The following OTOG variants were observed in gnomAD, a reference collection of about 807,000 sequenced individuals.
The protein encoded by OTOG is otogelin.
A neutral mutation model predicts 313.8 loss-of-function variants in OTOG; 296 were observed. The observed-to-expected ratio is 0.94, with a 90% CI of 0.86 to 1.04. The LOEUF (loss-of-function observed/expected upper bound fraction) is 1.04. OTOG is among the 50% of genes least tolerant of loss of function. OTOG has a pLI of 0.00. For missense variants in OTOG, 3,948 were observed against 3,840.1 expected (o/e 1.03, Z -0.74); for synonymous variants, 1,533 against 1,554.9 (o/e 0.99, Z 0.33).
Position 17,634,964 on chromosome 11 carries a change from TG to T in OTOG, c.7585+20del. 1 of 397,130 alleles carries T rather than the reference TG, an allele frequency of 2.5e-6. No individual in the cohort carries two copies. The highest frequency in any genetic ancestry group is 3.4e-5 in the African/African-American group (1 of 29,148). 24.6% of individuals were successfully genotyped at this position (397,130 alleles called of 1,614,324 possible). A position where few individuals can be genotyped will look rare whatever the true frequency, so the allele number is the denominator to read the frequency against. On this transcript the variant is annotated intron_variant, in intron 45 of 55. Coordinates refer to ENST00000399397, the MANE Select transcript of OTOG (RefSeq NM_001292063.2). ...TACAGCTGTGGTGAGAGGCCCGGGG[TG>T]GGGAGGGTGGGGGACGGACTGAGGG...
In OTOG at chr11:17,628,271, T is replaced by A. The variant is rs182297969; in HGVS notation, c.6529-862T>A. ...TTGGTATGTTGTGTTTCCATTATCA[T>A]TTGTTTCAAGAAAAGTTTCAGTTTT... On this transcript the variant is annotated intron_variant, in intron 39 of 55. Transcript: ENST00000399397. Among the ~76,000 whole-genome samples, 637 of 152,328 alleles carry A rather than the reference T, an allele frequency of 4.2e-3. 3 individuals carry two copies. Among genetic ancestry groups the A allele is most frequent in the African/African-American group, 0.015 (613 of 41,588 alleles).
Position 17,642,258 on chromosome 11 carries a change from C to T in OTOG, c.8415+12C>T, listed in dbSNP as rs965429585. On this transcript the variant is annotated intron_variant, in intron 53 of 55. Coordinates refer to ENST00000399397, the MANE Select transcript of OTOG (RefSeq NM_001292063.2). Reference sequence around the variant, plus strand: ...CTGAGTGTGCCAAGGTCAGTGCCTCCTTCTCCACTGAGGCTGTAGGCCAGG... The same window carrying T: ...CTGAGTGTGCCAAGGTCAGTGCCTCTTTCTCCACTGAGGCTGTAGGCCAGG... 6.5e-7 allele frequency: 1 copy of T among 1,545,080 alleles called. No individual in the cohort carries two copies. Among genetic ancestry groups the T allele is most frequent in the African/African-American group, 1.4e-5 (1 of 72,880 alleles).
At chr11:17,634,551 T>C (rs1365467468) in intron 44 of OTOG, among the ~76,000 whole-genome samples, 3 of 152,140 alleles carry the variant, frequency 2.0e-5, no homozygotes, top group Non-Finnish European at 4.4e-5. Context: ...TCACATCCTC[T>C]GTGCCTTGGT....
intron 39 of OTOG, among the ~76,000 whole-genome samples, chr11:17,625,518 T>C (rs1304375885): frequency 6.6e-6 from 1 of 152,226 alleles, no homozygotes; most frequent in Non-Finnish European, 1.5e-5. Flanking sequence ...TTGATCGTGG[T>C]GAATAAGCTT....
rs573927382 is a variant in OTOG, at chr11:17,608,331, G to T, written c.4192G>T (p.Glu1398Ter). The change falls in exon 34 of 56, where the codon GAG (glutamate) becomes TAG (stop). Residue 1398 changes from glutamate to a stop codon, truncating the protein, a stop_gained. Coordinates refer to ENST00000399397, the MANE Select transcript of OTOG (RefSeq NM_001292063.2). LOFTEE classifies it high-confidence loss of function. ...KPSGAAYPIC[E>*]WRYDACASPC... ...CTCGGGGGCTGCCTACCCCATCTGC[G>T]AGTGGCGCTACGATGCCTGTGCCAG... The T allele has an allele frequency of 6.5e-7, 1 of 1,546,230 alleles. No individual in the cohort carries two copies. Among genetic ancestry groups the T allele is most frequent in the Admixed American group, 2.0e-5 (1 of 50,290 alleles).
At chr11:17,613,267 C>CTT (rs1209997346) in intron 38 of OTOG, among the ~76,000 whole-genome samples, 42 of 139,342 alleles carry the variant, frequency 3.0e-4, no homozygotes, top group East Asian at 8.5e-4. Flanking sequence ...TTCTTTCTTT[C>CTT]TCTCTCTGTC....
At chr11:17,642,012 G>T (rs1847986133) in intron 52 of OTOG, 61 bp downstream of exon 52, 2 of 1,530,096 alleles carry the variant, frequency 1.3e-6, no homozygotes. Context: ...CCAGGACTAG[G>T]GCCCTCTCTG....
At chr11:17,616,596 T>G (rs1388150013) in intron 39 of OTOG, among the ~76,000 whole-genome samples, 1 of 152,218 alleles carries the variant, frequency 6.6e-6, no homozygotes, top group Admixed American at 6.5e-5. Flanking sequence ...TATACATATT[T>G]GATAGGCTTA....
intron 32 of OTOG, among the ~76,000 whole-genome samples, chr11:17,605,138 T>C (rs560752336): frequency 6.6e-6 from 1 of 152,350 alleles, no homozygotes; most frequent in African/African-American, 2.4e-5. Flanking sequence ...CCATGCTCAC[T>C]CCCTGTGCCT....
chr11:17,547,273 G>T lies in OTOG; in HGVS notation c.-100G>T, dbSNP rs1851827533. 2 of 1,002,414 alleles carry T rather than the reference G, an allele frequency of 2.0e-6. No individual in the cohort carries two copies. The highest frequency in any genetic ancestry group is 3.8e-5 in the South Asian group (1 of 26,438). The allele number at this position is 1,002,414 out of a possible 1,614,324, so 62.1% of individuals were successfully genotyped here. A position where few individuals can be genotyped will look rare whatever the true frequency, so the allele number is the denominator to read the frequency against. On this transcript the variant is annotated 5_prime_UTR_variant, in exon 1 of 56. Coordinates refer to ENST00000399397, the MANE Select transcript of OTOG (RefSeq NM_001292063.2). ...AGCCCTGGGGCATGAGAACAAGAGG[G>T]ACCTCGGCTGCGGAGTGGAGGTGTG...
At chr11:17,629,921 G>T (rs1854076217) in intron 40 of OTOG, among the ~76,000 whole-genome samples, 1 of 152,072 alleles carries the variant, frequency 6.6e-6, no homozygotes, top group Admixed American at 6.6e-5. Flanking sequence ...ACACTCATGG[G>T]GCACTCCGTG....
intron 15 of OTOG, among the ~76,000 whole-genome samples, chr11:17,567,703 G>A (rs1319541864): frequency 1.3e-5 from 2 of 152,076 alleles, no homozygotes; most frequent in East Asian, 1.9e-4. Flanking sequence ...TCTTCTTTAT[G>A]CCCTTGAATG....
At chr11:17,549,855 G>T (rs977736033) in intron 3 of OTOG, among the ~76,000 whole-genome samples, 1 of 152,128 alleles carries the variant, frequency 6.6e-6, no homozygotes, top group Non-Finnish European at 1.5e-5. Flanking sequence ...AGGAGTTGGG[G>T]GGTGGGGGAC....
In OTOG at chr11:17,572,187, A is replaced by G. The variant is rs1383737495; in HGVS notation, c.2063A>G (p.Asp688Gly). 21 of 1,550,326 alleles carry G rather than the reference A, an allele frequency of 1.4e-5. No homozygotes were observed. The South Asian group carries it at 2.0e-4, about 15-fold the overall frequency. The change falls in exon 18 of 56, where the codon GAT becomes GGT. Residue 688 changes from aspartate (D) to glycine (G), a missense_variant. By Grantham distance (94) the Asp-to-Gly change is moderately conservative. Coordinates refer to ENST00000399397, the MANE Select transcript of OTOG (RefSeq NM_001292063.2). ...TCTGGCTCCCCTCTGGACCCCTGCG[A>G]TGTGCACCTGCAAGCCGGTGAGTTG... ...LVSGSPLDPC[D>G]VHLQAASYSV... is the part of the protein sequence containing the mutation.
chr11:17,558,043 G>C (rs750791364), intron 8 of OTOG, 142 bp from the exon 9 acceptor site: 10 of 1,091,426 alleles, frequency 9.2e-6, no homozygotes, highest in African/African-American at 3.2e-5. Flanking sequence ...GGGAAACCCT[G>C]ATTGGGATGG....
In OTOG at chr11:17,606,146, C is replaced by T; in HGVS notation, c.4156+11C>T. 1 of 1,519,592 alleles carries T rather than the reference C, an allele frequency of 6.6e-7. No individual in the cohort carries two copies. Among genetic ancestry groups the T allele is most frequent in the Non-Finnish European group, 8.9e-7 (1 of 1,129,494 alleles). 94.1% of individuals were successfully genotyped at this position (1,519,592 alleles called of 1,614,324 possible). A position where few individuals can be genotyped will look rare whatever the true frequency, so the allele number is the denominator to read the frequency against. ...TCTTCCGCCTTCTGGGTAGGCGACC[C>T]CCTGCCATTGCCCTCGGCCCTTTGG... On this transcript the variant is annotated intron_variant, in intron 33 of 55. Coordinates refer to ENST00000399397, the MANE Select transcript of OTOG (RefSeq NM_001292063.2).
Position 17,572,204 on chromosome 11 carries a change from G to A in OTOG, c.2080G>A (p.Ala694Thr), listed in dbSNP as rs757854202. Residue 694 changes from alanine (A) to threonine (T), a missense_variant and splice_region_variant, in exon 18 of 56, where the codon GCC (alanine) becomes ACC (threonine). Transcript: ENST00000399397. ...CCCCTGCGATGTGCACCTGCAAGCC[G>A]GTGAGTTGGTGGGGGAAGAGGAGAG... ...LDPCDVHLQA[A>T]SYSVQACSVL... 3.5e-5 allele frequency: 55 copies of A among 1,550,180 alleles called. No homozygotes were observed. Among genetic ancestry groups the A allele is most frequent in the African/African-American group, 8.2e-5 (6 of 73,016 alleles).
At position 17,629,205 on chromosome 11, in the gene OTOG, A is replaced by T. The variant is rs774493654; in HGVS notation, c.6601A>T (p.Met2201Leu). The T allele has an allele frequency of 6.4e-7, 1 of 1,550,620 alleles. No homozygotes were observed. Among genetic ancestry groups the T allele is most frequent in the Non-Finnish European group, 8.7e-7 (1 of 1,147,002 alleles). ...YGFRIEDTGH[M>L]YMILTPSDIQ... is the part of the protein sequence containing the mutation. ...ATTCAGAATTGAGGACACAGGCCAC[A>T]TGTACATGATCCTGACTCCCTCAGA... Residue 2201 changes from methionine (M) to leucine (L), a missense_variant, in exon 40 of 56, where the codon ATG becomes TTG. Met to Leu is a conservative substitution (Grantham distance 15). Coordinates refer to ENST00000399397, the MANE Select transcript of OTOG (RefSeq NM_001292063.2).
chr11:17,639,787 G>A (rs1847929653), intron 49 of OTOG, among the ~76,000 whole-genome samples: 1 of 151,448 alleles, frequency 6.6e-6, no homozygotes, highest in African/African-American at 2.4e-5. Context: ...TGGTGATAGT[G>A]CAGTGATTAT....
Sources: gnomAD v4.1 joint callset for allele counts (sites outside exome capture counted in the v4.1 genomes callset) on GRCh38, gnomAD v4.1.1 for gene constraint, MANE v1.5 for transcripts, NCBI Gene and HGNC (gene_info 2026-07-23, HGNC 2026-07-21) for gene names.